Variants in NAV3 observed in about 807,000 individuals in gnomAD.
The protein encoded by NAV3 is pore membrane and/or filament interacting like protein 1.
A neutral mutation model predicts 244.7 loss-of-function variants in NAV3; 87 were observed. That is an observed-to-expected ratio of 0.36 (90% confidence interval 0.30 to 0.42). The LOEUF is 0.42. NAV3 is among the 20% of genes least tolerant of loss of function. The probability of loss-of-function intolerance (pLI) is 1.00; values close to 1 mark genes in which losing one functional copy is unlikely to be tolerated. For synonymous variants in NAV3, 1,126 were observed against 1,042.2 expected (o/e 1.08, Z -1.55); for missense variants, 2,663 against 2,893.3 (o/e 0.92, Z 1.83).
intron 3 of NAV3, among the ~76,000 whole-genome samples, chr12:77,965,089 C>T (rs1373368523): frequency 6.6e-6 from 1 of 152,046 alleles, no homozygotes; most frequent in African/African-American, 2.4e-5. Flanking sequence ...ACAATAGGAC[C>T]TTGCCAAGTT....
chr12:78,075,234 A>G (rs1276671653), intron 12 of NAV3, among the ~76,000 whole-genome samples: 4 of 152,190 alleles, frequency 2.6e-5, no homozygotes, highest in Non-Finnish European at 4.4e-5. Flanking sequence ...TTAATCATAA[A>G]AAGGGGATTT....
chr12:78,194,906 T>C (rs2139951657), intron 34 of NAV3, among the ~76,000 whole-genome samples: 1 of 152,220 alleles, frequency 6.6e-6, no homozygotes, highest in African/African-American at 2.4e-5. Context: ...CCACAGTACA[T>C]TTTCCAGACG....
chr12:78,072,329 C>T (rs1952815032), intron 12 of NAV3, among the ~76,000 whole-genome samples: 1 of 136,538 alleles, frequency 7.3e-6, no homozygotes, highest in African/African-American at 2.8e-5. Context: ...ATCAAATAGA[C>T]ACAATAAAAA....
chr12:77,612,554 A>C (rs1048485594), intron 2 of NAV3, among the ~76,000 whole-genome samples: 1 of 152,070 alleles, frequency 6.6e-6, no homozygotes, highest in Non-Finnish European at 1.5e-5. Flanking sequence ...TCCCCATATA[A>C]TTTGGCTTAA....
At chr12:77,984,664 T>A (rs1870163838) in intron 5 of NAV3, among the ~76,000 whole-genome samples, 1 of 152,138 alleles carries the variant, frequency 6.6e-6, no homozygotes, top group Non-Finnish European at 1.5e-5. Context: ...TTCCTTGCTA[T>A]TAACCAATGT....
chr12:78,016,103 C>A (rs941766698), intron 8 of NAV3, among the ~76,000 whole-genome samples: 1 of 151,942 alleles, frequency 6.6e-6, no homozygotes. Context: ...CTAGGCTCAT[C>A]TTGCACATTC....
intron 12 of NAV3, among the ~76,000 whole-genome samples, chr12:78,063,698 A>T (rs1884612313): frequency 1.3e-5 from 2 of 152,176 alleles, no homozygotes; most frequent in South Asian, 4.1e-4. Context: ...TAAAGGAAAG[A>T]CTTCAAAACA....
chr12:78,114,539 G>C (rs1955271354), intron 12 of NAV3, among the ~76,000 whole-genome samples: 1 of 152,048 alleles, frequency 6.6e-6, no homozygotes, highest in South Asian at 2.1e-4. Flanking sequence ...AGCAAAACGG[G>C]GGAAAAACCC....
chr12:77,822,375 A>T, intron 2 of NAV3, among the ~76,000 whole-genome samples: 1 of 152,108 alleles, frequency 6.6e-6, no homozygotes, highest in African/African-American at 2.4e-5. Flanking sequence ...CTTTCTTTTG[A>T]CTGATTCAAT....
chr12:77,906,384 C>T (rs1885977643), intron 1 of NAV3, among the ~76,000 whole-genome samples: 1 of 152,132 alleles, frequency 6.6e-6, no homozygotes, highest in South Asian at 2.1e-4. Flanking sequence ...AAAGACGAAC[C>T]TCTGAATCTT....
At chr12:77,850,359 A>T (rs1160244696) in intron 1 of NAV3, among the ~76,000 whole-genome samples, 1 of 152,226 alleles carries the variant, frequency 6.6e-6, no homozygotes, top group Non-Finnish European at 1.5e-5. Flanking sequence ...ATCTTCCTCT[A>T]AGTAATCATA....
At chr12:77,586,716 A>C (rs1869632322) in intron 2 of NAV3, among the ~76,000 whole-genome samples, 1 of 152,212 alleles carries the variant, frequency 6.6e-6, no homozygotes, top group African/African-American at 2.4e-5. Context: ...GGCTATTTAG[A>C]TTTAAATTAA....
chr12:77,897,470 T>A (rs938164201), intron 1 of NAV3, among the ~76,000 whole-genome samples: 10 of 152,210 alleles, frequency 6.6e-5, no homozygotes. Flanking sequence ...TGCTTTTTGA[T>A]ATTTCCTATA....
At chr12:77,957,760 G>T (rs1891505558) in intron 3 of NAV3, among the ~76,000 whole-genome samples, 2 of 152,100 alleles carry the variant, frequency 1.3e-5, no homozygotes, top group Admixed American at 1.3e-4. Flanking sequence ...TGCCTCGCAG[G>T]TTCAAGTGAT....
At chr12:77,613,525 T>C (rs1476484289) in intron 2 of NAV3, among the ~76,000 whole-genome samples, 2 of 152,146 alleles carry the variant, frequency 1.3e-5, no homozygotes, top group Non-Finnish European at 2.9e-5. Flanking sequence ...TGCCTTCTTG[T>C]TTCCTATTAT....
intron 1 of NAV3, among the ~76,000 whole-genome samples, chr12:77,901,204 C>G (rs1283127267): frequency 6.6e-6 from 1 of 152,150 alleles, no homozygotes; most frequent in Non-Finnish European, 1.5e-5. Flanking sequence ...GTTTCTTCTG[C>G]TCTGCAGAAG....
intron 3 of NAV3, among the ~76,000 whole-genome samples, chr12:77,947,265 T>A (rs1279175693): frequency 1.3e-5 from 2 of 152,048 alleles, no homozygotes; most frequent in African/African-American, 4.8e-5. Context: ...TAGAAATTTC[T>A]TGATCCTATT....
At chr12:77,755,587 C>T (rs867685233) in intron 2 of NAV3, among the ~76,000 whole-genome samples, 133 of 42,774 alleles carry the variant, frequency 3.1e-3, no homozygotes, top group Non-Finnish European at 3.9e-3. Context: ...CCTTTCCTCC[C>T]TCCCTCCCTC....
chr12:77,850,710 T>G (rs1308231706), intron 1 of NAV3, among the ~76,000 whole-genome samples: 2 of 152,200 alleles, frequency 1.3e-5, no homozygotes, highest in African/African-American at 4.8e-5. Flanking sequence ...TTAAAATGGC[T>G]TCTTCAGATG....
Sources: allele counts gnomAD v4.1 joint callset (sites outside exome capture counted in the v4.1 genomes callset), GRCh38; gene constraint gnomAD v4.1.1; transcripts MANE v1.5; gene names NCBI Gene and HGNC (gene_info 2026-07-23, HGNC 2026-07-21).